ITIH5: variants seen among roughly 807,000 people sequenced by gnomAD.
ITIH5 encodes inter-alpha-trypsin inhibitor heavy chain H5.
ITIH5 carries 65 observed loss-of-function variants against 77.5 expected under a neutral mutation model. The observed-to-expected ratio is 0.84, with a 90% CI of 0.69 to 1.03. The LOEUF (loss-of-function observed/expected upper bound fraction) is 1.03. ITIH5 is among the 50% of genes least tolerant of loss of function. The pLI is 0.00. For synonymous variants in ITIH5, 525 were observed against 494.3 expected, an observed-to-expected ratio of 1.06 and a Z score of -0.82; for missense variants, 1,208 against 1,213.1, an observed-to-expected ratio of 1.00 and a Z score of 0.06.
Position 7,566,037 on chromosome 10 carries a change from TC to T in ITIH5, c.2519del (p.Gly840AspfsTer7), listed in dbSNP as rs1189141959. On this transcript the variant is annotated frameshift_variant, in exon 13 of 14. Coordinates refer to ENST00000397146, the MANE Select transcript of ITIH5 (RefSeq NM_030569.7). LOFTEE classifies it low-confidence loss of function (END_TRUNC). ...GAGAGCGCAGCTTCCTACCCAGCAG[TC>T]CGTGGCAGTTGCTGGAAAGGCCCTC... ...NSEGLSSNCH[G>X]LLGQFLNQDA... is the part of the protein sequence containing the mutation. 1.9e-6 allele frequency: 3 copies of T among 1,613,574 alleles called. No homozygotes were observed. The highest frequency in any genetic ancestry group is 1.7e-4 in the Middle Eastern group (1 of 5,952).
intron 4 of ITIH5, 150 bp from the exon 5 acceptor site, chr10:7,637,628 TA>T (rs906181103): frequency 1.3e-6 from 1 of 756,178 alleles, no homozygotes; most frequent in African/African-American, 1.8e-5. Flanking sequence ...AAAGGAAAAA[TA>T]AAAATTCGTA....
At chr10:7,631,311 G>T (rs991976630) in intron 5 of ITIH5, among the ~76,000 whole-genome samples, 1 of 152,304 alleles carries the variant, frequency 6.6e-6, no homozygotes, top group South Asian at 2.1e-4. Context: ...CAATGGAGCC[G>T]TCAAACCACA....
intron 7 of ITIH5, among the ~76,000 whole-genome samples, chr10:7,614,275 C>A (rs1261662441): frequency 6.6e-6 from 1 of 152,122 alleles, no homozygotes; most frequent in Non-Finnish European, 1.5e-5. Context: ...TCTGGACGAG[C>A]ACGTGATGTT....
At chr10:7,628,013 T>A (rs1225952873) in intron 5 of ITIH5, among the ~76,000 whole-genome samples, 1 of 151,924 alleles carries the variant, frequency 6.6e-6, no homozygotes, top group Non-Finnish European at 1.5e-5. Flanking sequence ...AGCTCGTTTT[T>A]GTATTTTAGT....
rs772255478 is a variant in ITIH5, at chr10:7,576,681, C to T, written c.1750G>A (p.Glu584Lys). 1.1e-5 allele frequency: 17 copies of T among 1,614,046 alleles called. No homozygotes were observed. The South Asian group carries it at 1.8e-4, about 17-fold the overall frequency. Residue 584 changes from glutamate to lysine, a missense_variant, in exon 10 of 14, where the codon GAG (glutamate) becomes AAG (lysine). Transcript: ENST00000397146. ...ERLWSYLTTK[E>K]LLSSWLQSDD... The stretch of plus-strand genomic sequence containing the variant: ...CTTTGCAGCCAGGAGCTCAGCAGCT[C>T]CTTTGTGGTGAGGTAGCTCCAGAGA...
intron 1 of ITIH5, among the ~76,000 whole-genome samples, chr10:7,658,392 G>A (rs1834221977): frequency 6.6e-6 from 1 of 152,146 alleles, no homozygotes. Flanking sequence ...GAGAAAAATA[G>A]TACAGGATTT....
intron 1 of ITIH5, among the ~76,000 whole-genome samples, chr10:7,665,842 C>T (rs1320975602): frequency 6.6e-6 from 1 of 152,092 alleles, no homozygotes; most frequent in Admixed American, 6.6e-5. Context: ...AGCTACTCCC[C>T]CCCTAGAAGG....
intron 7 of ITIH5, among the ~76,000 whole-genome samples, chr10:7,608,307 T>A (rs535214718): frequency 1.3e-5 from 2 of 152,314 alleles, no homozygotes; most frequent in African/African-American, 4.8e-5. Flanking sequence ...TGTGACAAGG[T>A]CTGGCTCTGT....
rs148196049 is a variant in ITIH5, at chr10:7,613,629, T to A, written c.939+2353A>T. Among the ~76,000 whole-genome samples the A allele has an allele frequency of 7.2e-3, 1,100 of 152,284 alleles. 12 individuals are homozygous for A. The highest frequency in any genetic ancestry group is 0.02 in the Middle Eastern group (6 of 294). On this transcript the variant is annotated intron_variant, in intron 7 of 13. Coordinates refer to ENST00000397146, the MANE Select transcript of ITIH5 (RefSeq NM_030569.7). ...ACTAAAAAAGCTAAACAAATGGGGT[T>A]TTAAAAAAATCTTTAAAGTAGCAGA...
At chr10:7,597,458 T>A (rs922160137) in intron 7 of ITIH5, among the ~76,000 whole-genome samples, 4 of 152,176 alleles carry the variant, frequency 2.6e-5, no homozygotes, top group African/African-American at 9.7e-5. Flanking sequence ...AAGCCCACAG[T>A]GAGGAGAATG....
chr10:7,636,161 C>T (rs189453830), intron 5 of ITIH5, among the ~76,000 whole-genome samples: 1 of 151,886 alleles, frequency 6.6e-6, no homozygotes, highest in East Asian at 1.9e-4. Flanking sequence ...TTGTGAAAAC[C>T]AGAAAGCCCC....
intron 10 of ITIH5, among the ~76,000 whole-genome samples, chr10:7,574,700 G>A (rs1832371338): frequency 6.6e-6 from 1 of 151,384 alleles, no homozygotes; most frequent in Admixed American, 6.6e-5. Context: ...GGCTGAGGCA[G>A]GAGAATAGCG....
chr10:7,596,732 G>A (rs1832905754), intron 7 of ITIH5, among the ~76,000 whole-genome samples: 1 of 152,002 alleles, frequency 6.6e-6, no homozygotes, highest in South Asian at 2.1e-4. Flanking sequence ...AAAGACCTAA[G>A]ATGAACAATT....
intron 7 of ITIH5, among the ~76,000 whole-genome samples, chr10:7,611,493 A>G (rs976394927): frequency 5.3e-5 from 8 of 152,144 alleles, no homozygotes; most frequent in African/African-American, 1.9e-4. Context: ...AGTGGAAGAC[A>G]ACCCTGGGGC....
chr10:7,604,224 A>G (rs910635221), intron 7 of ITIH5, among the ~76,000 whole-genome samples: 2 of 152,202 alleles, frequency 1.3e-5, no homozygotes, highest in Non-Finnish European at 2.9e-5. Context: ...AAAGCCAAAC[A>G]GAGTTGGGCA....
At chr10:7,581,860 C>A (rs1832563462) in intron 8 of ITIH5, among the ~76,000 whole-genome samples, 1 of 142,800 alleles carries the variant, frequency 7.0e-6, no homozygotes, top group African/African-American at 2.6e-5. Context: ...CCATGCCCGG[C>A]CACCCATGTA....
rs571862958 is a variant in ITIH5, at chr10:7,570,727, G to A, written c.2033-943C>T. On this transcript the variant is annotated intron_variant, in intron 11 of 13. Coordinates refer to ENST00000397146, the MANE Select transcript of ITIH5 (RefSeq NM_030569.7). ...AGCCTCAAACTCCTGGGCTCAAACG[G>A]TCCTCCCACCTCAGCCTCCTGAGTA... is the stretch of plus-strand genomic sequence containing the variant. Among the ~76,000 whole-genome samples, 304 of 152,026 alleles carry A rather than the reference G, an allele frequency of 2.0e-3. 3 individuals are homozygous for A. The highest frequency in any genetic ancestry group is 7.1e-3 in the African/African-American group (293 of 41,470).
At chr10:7,654,113 C>T (rs1193589485) in intron 2 of ITIH5, among the ~76,000 whole-genome samples, 7 of 152,116 alleles carry the variant, frequency 4.6e-5, no homozygotes, top group Non-Finnish European at 8.8e-5. Context: ...GCTGAGATCA[C>T]GCCACTGCAC....
chr10:7,624,919 A>G (rs1833551569), intron 5 of ITIH5, among the ~76,000 whole-genome samples: 1 of 138,168 alleles, frequency 7.2e-6, no homozygotes, highest in African/African-American at 2.7e-5. Context: ...ATATATATAT[A>G]TATGCATTAT....
Sources: gnomAD v4.1 joint callset for allele counts (sites outside exome capture counted in the v4.1 genomes callset) on GRCh38, gnomAD v4.1.1 for gene constraint, MANE v1.5 for transcripts, NCBI Gene and HGNC (gene_info 2026-07-23, HGNC 2026-07-21) for gene names.